The following ANKIB1 variants were observed in gnomAD, a reference collection of about 807,000 sequenced individuals.
ANKIB1 encodes the protein ankyrin repeat and IBR domain-containing protein 1.
Under a neutral mutation model 122.1 loss-of-function variants are expected in ANKIB1, and 43 were observed. The ratio of observed to expected loss-of-function variants is 0.35; its 90% confidence interval spans 0.28 to 0.45. The LOEUF is 0.45. Among genes scored for constraint, ANKIB1 ranks in the 20% least tolerant of loss-of-function variants. The pLI is 1.00. For synonymous variants in ANKIB1, 390 were observed against 442.0 expected, an observed-to-expected ratio of 0.88 and a Z score of 1.48; for missense variants, 992 against 1,329.5, an observed-to-expected ratio of 0.75 and a Z score of 3.95.
intron 11 of ANKIB1, among the ~76,000 whole-genome samples, chr7:92,379,281 A>G (rs1268864895): frequency 1.3e-5 from 2 of 152,050 alleles, no homozygotes; most frequent in South Asian, 4.2e-4. Context: ...AGTCCTAGCT[A>G]CTCGGGAGGC....
At chr7:92,254,689 A>G (rs990435766) in intron 1 of ANKIB1, among the ~76,000 whole-genome samples, 60 of 152,076 alleles carry the variant, frequency 3.9e-4, no homozygotes, top group African/African-American at 1.4e-3. Flanking sequence ...TTTTTCCCTT[A>G]CTAATATGTT....
At chr7:92,286,595 T>C in intron 1 of ANKIB1, among the ~76,000 whole-genome samples, 1 of 151,714 alleles carries the variant, frequency 6.6e-6, no homozygotes, top group South Asian at 2.1e-4. Flanking sequence ...TTCTCCTGCC[T>C]CAGCCTCCCA....
chr7:92,316,354 C>T (rs1374583847), intron 3 of ANKIB1, among the ~76,000 whole-genome samples: 1 of 152,168 alleles, frequency 6.6e-6, no homozygotes, highest in Admixed American at 6.5e-5. Flanking sequence ...CTTAATGCAT[C>T]TTTTACTTAC....
chr7:92,321,360 T>C (rs1207481932), intron 4 of ANKIB1, among the ~76,000 whole-genome samples: 1 of 152,196 alleles, frequency 6.6e-6, no homozygotes, highest in African/African-American at 2.4e-5. Flanking sequence ...ATTCTTCCTG[T>C]CTTATCTGAA....
At chr7:92,290,114 G>C (rs1004215367) in intron 1 of ANKIB1, among the ~76,000 whole-genome samples, 2 of 152,222 alleles carry the variant, frequency 1.3e-5, no homozygotes, top group African/African-American at 4.8e-5. Context: ...ACTGTGCCCA[G>C]CCCATCCTCT....
At chr7:92,303,183 CTT>C (rs1202984211) in intron 2 of ANKIB1, among the ~76,000 whole-genome samples, 2 of 152,104 alleles carry the variant, frequency 1.3e-5, no homozygotes, top group Non-Finnish European at 2.9e-5. Context: ...TTGAGCATCT[CTT>C]ATTCAAAATG....
chr7:92,295,128 A>G lies in ANKIB1; in HGVS notation c.150A>G (p.Leu50=). The G allele has an allele frequency of 6.4e-7, 1 of 1,567,652 alleles. No individual in the cohort carries two copies. The highest frequency in any genetic ancestry group is 8.7e-7 in the Non-Finnish European group (1 of 1,155,136). The change falls in exon 2 of 20, where the codon TTA becomes TTG. Residue 50 remains leucine, a synonymous_variant. Coordinates refer to ENST00000265742, the MANE Select transcript of ANKIB1 (RefSeq NM_019004.2). ...AGCCCTACCAGCACAATACTCCATT[A>G]CATTATGCTGCTAGACATGGAATGA... ...YGEPYQHNTP[L]HYAARHGMNK...
chr7:92,359,402 C>T (rs577989923), intron 9 of ANKIB1, among the ~76,000 whole-genome samples: 15 of 152,312 alleles, frequency 9.8e-5, no homozygotes, highest in Admixed American at 6.5e-4. Context: ...GCCGTGAACT[C>T]ATCCTTTTTT....
At chr7:92,259,851 C>G (rs1801523488) in intron 1 of ANKIB1, among the ~76,000 whole-genome samples, 1 of 152,152 alleles carries the variant, frequency 6.6e-6, no homozygotes, top group Non-Finnish European at 1.5e-5. Context: ...TGTCTTCTCT[C>G]TCACTTCTGC....
At chr7:92,277,728 C>T (rs1801932709) in intron 1 of ANKIB1, among the ~76,000 whole-genome samples, 1 of 152,034 alleles carries the variant, frequency 6.6e-6, no homozygotes, top group Admixed American at 6.6e-5. Flanking sequence ...CAGAGGATCG[C>T]TTGAGGGCAA....
rs564886150 is a variant in ANKIB1, at chr7:92,401,153, A to T, written c.*2204A>T. On this transcript the variant is annotated 3_prime_UTR_variant, in exon 20 of 20. Coordinates refer to ENST00000265742, the MANE Select transcript of ANKIB1 (RefSeq NM_019004.2). ...TAAAAACAACACAGTCATTGACTTTACAATTCAGTAATGAAGTTTGGCAAA... is the reference window on the plus strand; with the variant it reads ...TAAAAACAACACAGTCATTGACTTTTCAATTCAGTAATGAAGTTTGGCAAA... The T allele has an allele frequency of 5.4e-4, 83 of 152,352 alleles. No homozygotes were observed. Among genetic ancestry groups the T allele is most frequent in the Non-Finnish European group, 1.0e-3 (70 of 68,038 alleles). The allele number at this position is 152,352 out of a possible 1,614,324, so 9.4% of individuals were successfully genotyped here.
At chr7:92,349,883 G>T (rs1803620251) in intron 7 of ANKIB1, among the ~76,000 whole-genome samples, 1 of 151,746 alleles carries the variant, frequency 6.6e-6, no homozygotes, top group Non-Finnish European at 1.5e-5. Context: ...TCAGAACCCT[G>T]CTTTTAGCTG....
intron 17 of ANKIB1, among the ~76,000 whole-genome samples, chr7:92,394,684 TC>T (rs1804850300): frequency 1.3e-5 from 2 of 152,156 alleles, no homozygotes; most frequent in Middle Eastern, 3.2e-3. Flanking sequence ...TCCTCACTGG[TC>T]TGTTGAGCCT....
intron 1 of ANKIB1, among the ~76,000 whole-genome samples, chr7:92,292,878 C>T (rs1802280429): frequency 6.6e-6 from 1 of 152,032 alleles, no homozygotes; most frequent in Non-Finnish European, 1.5e-5. Context: ...TTGCAGTAAA[C>T]CGTGAGGTAA....
intron 1 of ANKIB1, among the ~76,000 whole-genome samples, chr7:92,281,796 T>TGTACA (rs1193983926): frequency 2.0e-5 from 3 of 152,204 alleles, no homozygotes; most frequent in African/African-American, 7.2e-5. Context: ...TAAACAGTTT[T>TGTACA]GTACAGCAGC....
intron 11 of ANKIB1, among the ~76,000 whole-genome samples, chr7:92,379,126 C>T (rs1804452214): frequency 6.6e-6 from 1 of 152,220 alleles, no homozygotes; most frequent in Non-Finnish European, 1.5e-5. Flanking sequence ...CGCGGTGGCT[C>T]ACGCCAGTAA....
intron 10 of ANKIB1, among the ~76,000 whole-genome samples, chr7:92,364,185 C>T (rs568664375): frequency 2.1e-4 from 32 of 151,684 alleles, no homozygotes; most frequent in South Asian, 8.4e-4. Context: ...TGGTGGTGTG[C>T]GCCTGTAATC....
In ANKIB1 at chr7:92,351,880, C is replaced by A. The variant is rs552231668; in HGVS notation, c.1231-596C>A. ...GGATTACGGGCGCCCACTACCACTC[C>A]CGGCTAATTTTTGTATTTTTAGTAG... On this transcript the variant is annotated intron_variant, in intron 8 of 19. Coordinates refer to ENST00000265742, the MANE Select transcript of ANKIB1 (RefSeq NM_019004.2). Among the ~76,000 whole-genome samples, 12 of 151,838 alleles carry A rather than the reference C, an allele frequency of 7.9e-5. No individual in the cohort carries two copies. In the South Asian group the frequency reaches 2.5e-3, roughly 32 times the overall value.
At chr7:92,257,177 ACT>A (rs1039599192) in intron 1 of ANKIB1, among the ~76,000 whole-genome samples, 2 of 151,224 alleles carry the variant, frequency 1.3e-5, no homozygotes, top group African/African-American at 2.4e-5. Context: ...TGGGAGCAAG[ACT>A]CTGTCTCGAA....
Sources: allele counts gnomAD v4.1 joint callset (sites outside exome capture counted in the v4.1 genomes callset), GRCh38; gene constraint gnomAD v4.1.1; transcripts MANE v1.5; gene names NCBI Gene and HGNC (gene_info 2026-07-23, HGNC 2026-07-21).